The following DGKK variants were observed in gnomAD, a reference collection of about 807,000 sequenced individuals.
DGKK encodes diacylglycerol kinase kappa, also known as 142 kDa diacylglycerol kinase.
Under a neutral mutation model 92.2 loss-of-function variants are expected in DGKK, and 35 were observed. The observed-to-expected ratio is 0.38, with a 90% CI of 0.29 to 0.50. DGKK has a LOEUF of 0.50. DGKK is among the 20% of genes least tolerant of loss of function. The pLI is 0.92. For synonymous variants in DGKK, 368 were observed against 360.6 expected (o/e 1.02, Z -0.23); for missense variants, 910 against 992.2 (o/e 0.92, Z 1.11).
intron 1 of DGKK, among the ~76,000 whole-genome samples, chrX:50,446,297 G>A (rs1557231855): frequency 9.0e-6 from 1 of 111,057 alleles, no homozygotes; most frequent in African/African-American, 3.3e-5. Flanking sequence ...GATTGCTCTG[G>A]CCAGGACTTC....
intron 5 of DGKK, 140 bp from the exon 6 acceptor site, chrX:50,403,737 A>G: frequency 1.9e-6 from 1 of 521,124 alleles, no homozygotes. Context: ...CCTATTTCCA[A>G]TAGGATCCAG....
intron 8 of DGKK, among the ~76,000 whole-genome samples, chrX:50,398,626 T>C (rs139697319): frequency 0.011 from 1,254 of 112,072 alleles, 7 homozygotes; most frequent in Middle Eastern, 0.037. Context: ...ATGCCATTAT[T>C]TGACAAGCTA....
chrX:50,387,488 C>T, intron 14 of DGKK, 66 bp downstream of exon 14: 2 of 868,920 alleles, frequency 2.3e-6, no homozygotes, highest in Admixed American at 3.0e-5. Flanking sequence ...GGCATGTTTG[C>T]TTTTTATTAA....
At chrX:50,447,139 T>A (rs1926328349) in intron 1 of DGKK, among the ~76,000 whole-genome samples, 1 of 99,403 alleles carries the variant, frequency 1.0e-5, no homozygotes, top group South Asian at 5.0e-4. Flanking sequence ...CAAATTATAC[T>A]GCTCCATTTA....
At chrX:50,411,331 T>C (rs957900241) in intron 4 of DGKK, among the ~76,000 whole-genome samples, 1 of 112,057 alleles carries the variant, frequency 8.9e-6, no homozygotes, top group Non-Finnish European at 1.9e-5. Flanking sequence ...ATTAGCAAAC[T>C]GAATTTAAGA....
At chrX:50,420,040 A>G (rs1388193008) in intron 4 of DGKK, among the ~76,000 whole-genome samples, 1 of 111,521 alleles carries the variant, frequency 9.0e-6, no homozygotes, top group Non-Finnish European at 1.9e-5. Context: ...CAGTTTCCTT[A>G]GCTATCACTA....
At chrX:50,384,639 A>T in intron 16 of DGKK, 81 bp downstream of exon 16, 1 of 956,375 alleles carries the variant, frequency 1.0e-6, no homozygotes, top group Non-Finnish European at 1.5e-6. Flanking sequence ...GAGGATGCAT[A>T]AAAAATACAT....
In DGKK at chrX:50,384,259, G is replaced by A. The variant is rs782205634; in HGVS notation, c.2458C>T (p.Arg820Cys). ...GATATAGAAGACAAAGTGCCACGAC[G>A]AGAACCTAGACACAAAAGACATCAC... ...INQTSPRRRS[R>C]RGTLSSISSL... Residue 820 changes from arginine to cysteine, a missense_variant, in exon 17 of 28, where the codon CGT becomes TGT. Arg to Cys is a radical substitution (Grantham distance 180). Transcript: ENST00000611977. 6.9e-6 allele frequency: 8 copies of A among 1,154,274 alleles called. No individual in the cohort carries two copies. Among genetic ancestry groups the A allele is most frequent in the African/African-American group, 5.4e-5 (3 of 55,729 alleles).
intron 1 of DGKK, among the ~76,000 whole-genome samples, chrX:50,430,921 C>G (rs147534465): frequency 0.013 from 1,417 of 111,740 alleles, 17 homozygotes; most frequent in African/African-American, 0.044. Flanking sequence ...TTAACACCCC[C>G]CTGCTGCTTA....
chrX:50,459,840 T>C (rs1426577277), intron 1 of DGKK, among the ~76,000 whole-genome samples: 1 of 111,352 alleles, frequency 9.0e-6, no homozygotes, highest in African/African-American at 3.3e-5. Context: ...TTGAGGTTAG[T>C]GAGAAGGGTA....
intron 1 of DGKK, among the ~76,000 whole-genome samples, chrX:50,433,866 C>T (rs782095626): frequency 9.0e-6 from 1 of 111,397 alleles, no homozygotes; most frequent in South Asian, 3.9e-4. Flanking sequence ...CAAAAAGATA[C>T]CAGGGTAACT....
intron 10 of DGKK, among the ~76,000 whole-genome samples, chrX:50,391,853 A>T (rs1557225571): frequency 8.9e-6 from 1 of 112,177 alleles, no homozygotes. Flanking sequence ...AAAGAAGAGA[A>T]ATATAGCTGT....
chrX:50,400,988 C>A, intron 8 of DGKK, 49 bp downstream of exon 8: 2 of 1,098,873 alleles, frequency 1.8e-6, no homozygotes, highest in Non-Finnish European at 2.5e-6. Flanking sequence ...GCCTTTGCAC[C>A]TTCCCTACAT....
chrX:50,374,877 C>A, intron 25 of DGKK, 94 bp downstream of exon 25: 1 of 771,034 alleles, frequency 1.3e-6, no homozygotes, highest in Non-Finnish European at 1.9e-6. Context: ...AAAATGCTCC[C>A]ACGGGTCTCC....
intron 1 of DGKK, among the ~76,000 whole-genome samples, chrX:50,440,908 G>A (rs1365286012): frequency 8.9e-6 from 1 of 111,909 alleles, no homozygotes; most frequent in Non-Finnish European, 1.9e-5. Flanking sequence ...GAGTAGGTGG[G>A]CATAGCTTAT....
intron 21 of DGKK, 30 bp downstream of exon 21, chrX:50,378,548 C>T: frequency 1.7e-6 from 2 of 1,144,953 alleles, no homozygotes; most frequent in East Asian, 3.1e-5. Context: ...ACCTCAGCCC[C>T]TTCCCAGTGC....
At chrX:50,467,892 A>G (rs1926948057) in intron 1 of DGKK, among the ~76,000 whole-genome samples, 1 of 112,447 alleles carries the variant, frequency 8.9e-6, no homozygotes, top group African/African-American at 3.2e-5. Context: ...ACATCCTTCA[A>G]AATTCTCCAG....
chrX:50,417,348 A>C (rs904401178), intron 4 of DGKK, among the ~76,000 whole-genome samples: 2 of 110,205 alleles, frequency 1.8e-5, no homozygotes, highest in Non-Finnish European at 3.8e-5. Context: ...CAAGAAACTT[A>C]GTTCTCTACC....
chrX:50,380,744 A>G (rs1924394529), intron 18 of DGKK, among the ~76,000 whole-genome samples: 1 of 111,270 alleles, frequency 9.0e-6, no homozygotes, highest in African/African-American at 3.3e-5. Context: ...TACGATCACT[A>G]GAAAGGCTGG....
Sources: allele counts gnomAD v4.1 joint callset (sites outside exome capture counted in the v4.1 genomes callset), GRCh38; gene constraint gnomAD v4.1.1; transcripts MANE v1.5; gene names NCBI Gene and HGNC (gene_info 2026-07-23, HGNC 2026-07-21).